PEX5: variants seen among roughly 807,000 people sequenced by gnomAD.
PEX5 encodes PTS1 receptor.
A neutral mutation model predicts 82.9 loss-of-function variants in PEX5; 52 were observed. That is an observed-to-expected ratio of 0.63 (90% CI 0.50 to 0.79). The LOEUF (loss-of-function observed/expected upper bound fraction) is 0.79. Among genes scored for constraint, PEX5 ranks in the 30% least tolerant of loss-of-function variants. The pLI is 0.00. For missense variants in PEX5, 719 were observed against 815.2 expected (o/e 0.88, Z 1.44); for synonymous variants, 300 against 318.8 (o/e 0.94, Z 0.63).
At chr12:7,201,895 G>A in intron 7 of PEX5, 54 bp downstream of exon 7, 1 of 1,324,250 alleles carries the variant, frequency 7.6e-7, no homozygotes, top group East Asian at 2.3e-5. Context: ...TGGAAGGCAA[G>A]AATCTTGCTT....
rs780957318 is a variant in PEX5, at chr12:7,191,272, G to C, written c.230G>C (p.Arg77Pro). 1 of 1,614,070 alleles carries C rather than the reference G, an allele frequency of 6.2e-7. No individual in the cohort carries two copies. The change falls in exon 4 of 16, where the codon CGT becomes CCT. Residue 77 changes from arginine to proline, a missense_variant. Physicochemically the swap from Arg to Pro is moderately radical, Grantham distance 103 (BLOSUM62 -2). Coordinates refer to ENST00000675855, the MANE Select transcript of PEX5 (RefSeq NM_001351132.2). ...GACCAGAATGCACCCCTTGTGTCCC[G>C]TGCCCCTCAGACCTTCAAGATGGAT... ...LQDQNAPLVS[R>P]APQTFKMDDL...
chr12:7,203,394 T>C, intron 9 of PEX5, 38 bp from the exon 10 acceptor site: 5 of 1,593,442 alleles, frequency 3.1e-6, no homozygotes, highest in Non-Finnish European at 3.4e-6. Context: ...GTGGTCATGA[T>C]GGATCTCCTT....
In PEX5 at chr12:7,210,558, T is replaced by G; in HGVS notation, c.*335T>G. On this transcript the variant is annotated 3_prime_UTR_variant, in exon 16 of 16. Transcript: ENST00000675855. ...TGTTATCATCAGCTGCCATTTCTGA[T>G]AGGGTCTACCACATCTGTAATGTCT... The G allele has an allele frequency of 2.3e-6, 1 of 429,360 alleles. No homozygotes were observed. Among genetic ancestry groups the G allele is most frequent in the African/African-American group, 2.0e-5 (1 of 49,674 alleles). 26.6% of individuals were successfully genotyped at this position (429,360 alleles called of 1,614,324 possible).
At chr12:7,207,616 C>T (rs767485796) in intron 10 of PEX5, 43 bp from the exon 11 acceptor site, 99 of 1,606,992 alleles carry the variant, frequency 6.2e-5, no homozygotes, top group South Asian at 4.2e-4. Flanking sequence ...GCTGTTCTGA[C>T]GGTGCCACCT....
chr12:7,217,597 T>C (rs1945815769), intron 17 of PEX5, among the ~76,000 whole-genome samples: 1 of 152,234 alleles, frequency 6.6e-6, no homozygotes, highest in African/African-American at 2.4e-5. Flanking sequence ...TCACCTTTCA[T>C]TGGTCAAAAC....
intron 10 of PEX5, among the ~76,000 whole-genome samples, chr12:7,205,973 G>T (rs1254054852): frequency 6.6e-6 from 1 of 152,174 alleles, no homozygotes; most frequent in African/African-American, 2.4e-5. Context: ...GTAAGGCGTT[G>T]GTGAAGATTC....
chr12:7,212,882 C>CAAAG (rs1374473129), downstream of PEX5: 1 of 152,236 alleles, frequency 6.6e-6, no homozygotes, highest in Non-Finnish European at 1.5e-5. Flanking sequence ...GTTGGTGGTG[C>CAAAG]AAAGACCCAG....
downstream of PEX5, among the ~76,000 whole-genome samples, chr12:7,214,345 T>C (rs1225210512): frequency 2.0e-5 from 3 of 151,700 alleles, no homozygotes; most frequent in Non-Finnish European, 4.4e-5. Flanking sequence ...ATAGACTGGA[T>C]TAAGAAAATG....
chr12:7,203,382 G>T, intron 9 of PEX5, 50 bp from the exon 10 acceptor site: 1 of 1,575,230 alleles, frequency 6.3e-7, no homozygotes, highest in Non-Finnish European at 8.6e-7. Context: ...GTGTGGGGTG[G>T]GGTGGTCATG....
upstream of PEX5, chr12:7,189,029 A>T (rs1213932253): frequency 6.6e-6 from 1 of 152,242 alleles, no homozygotes; most frequent in Non-Finnish European, 1.5e-5. Flanking sequence ...GTACGTTACC[A>T]GCTCGAGGTC....
chr12:7,205,225 A>ATACTT (rs1944614826), intron 10 of PEX5, among the ~76,000 whole-genome samples: 1 of 152,226 alleles, frequency 6.6e-6, no homozygotes, highest in Non-Finnish European at 1.5e-5. Context: ...GATATCATTG[A>ATACTT]TACTTTGGGA....
downstream of PEX5, chr12:7,212,647 G>C (rs1460303602): frequency 6.6e-6 from 1 of 152,168 alleles, no homozygotes; most frequent in African/African-American, 2.4e-5. Flanking sequence ...ATTATTTACA[G>C]ATTGTCTTAA....
Position 7,203,557 on chromosome 12 carries a change from G to C in PEX5, c.966+6G>C, listed in dbSNP as rs1944410936. 1 of 1,613,040 alleles carries C rather than the reference G, an allele frequency of 6.2e-7. No homozygotes were observed. On this transcript the variant is annotated splice_donor_region_variant and intron_variant, in intron 10 of 15. Transcript: ENST00000675855. ...CGTCAGCTACCTATGATAAGGTGAG[G>C]TAAAAACTCTTAGTTTTTCAGGTTC...
intron 10 of PEX5, among the ~76,000 whole-genome samples, chr12:7,204,483 T>C (rs778841736): frequency 6.6e-6 from 1 of 152,340 alleles, no homozygotes; most frequent in South Asian, 2.1e-4. Context: ...ATGATTTTGC[T>C]TATTATTCCA....
chr12:7,192,278 T>C (rs1941293484), intron 5 of PEX5, among the ~76,000 whole-genome samples: 1 of 152,116 alleles, frequency 6.6e-6, no homozygotes, highest in Admixed American at 6.5e-5. Flanking sequence ...GATAAGAAAA[T>C]TGAGGCTTAG....
At chr12:7,207,915 G>A (rs1945016939) in intron 11 of PEX5, 95 bp from the exon 12 acceptor site, 3 of 1,514,926 alleles carry the variant, frequency 2.0e-6, no homozygotes, top group African/African-American at 1.4e-5. Context: ...CCTAGGATAG[G>A]GGCTTGAGAG....
chr12:7,208,253 A>C (rs1264645265), intron 12 of PEX5, among the ~76,000 whole-genome samples, 173 bp downstream of exon 12: 1 of 151,988 alleles, frequency 6.6e-6, no homozygotes, highest in Admixed American at 6.6e-5. Flanking sequence ...TCGGCTTTTG[A>C]TTTTATTTGC....
chr12:7,190,923 G>A lies in PEX5; in HGVS notation c.183G>A (p.Glu61=), dbSNP rs767941689. The A allele has an allele frequency of 2.5e-6, 4 of 1,612,212 alleles. No individual in the cohort carries two copies. In the East Asian group the frequency reaches 6.7e-5, roughly 27 times the overall value. Residue 61 remains glutamate (E), a splice_region_variant and synonymous_variant, in exon 3 of 16, where the codon GAG becomes GAA. Coordinates refer to ENST00000675855, the MANE Select transcript of PEX5 (RefSeq NM_001351132.2). The part of the protein sequence containing the change: ...SKPLGVASED[E]LVAEFLQDQN... ...CTTTGGGAGTAGCTTCTGAAGATGA[G>A]GTAAATAGACCAGTCTCTTTTCTGT...
intron 15 of PEX5, 42 bp from the exon 16 acceptor site, chr12:7,209,977 ATTG>A (rs1565723466): frequency 8.1e-6 from 13 of 1,607,126 alleles, no homozygotes; most frequent in Middle Eastern, 1.7e-4. Flanking sequence ...GCTTCCTTCC[ATTG>A]TTGTTCAGCT....
Sources: allele counts gnomAD v4.1 joint callset (sites outside exome capture counted in the v4.1 genomes callset), GRCh38; gene constraint gnomAD v4.1.1; transcripts MANE v1.5; gene names NCBI Gene and HGNC (gene_info 2026-07-23, HGNC 2026-07-21).